The following MRC1 variants were observed in gnomAD, a reference collection of about 807,000 sequenced individuals.
MRC1 encodes the protein mannose receptor C-type 1.
Under a neutral mutation model 102.9 loss-of-function variants are expected in MRC1, and 62 were observed. The observed-to-expected ratio is 0.60, with a 90% confidence interval of 0.49 to 0.74. The LOEUF is 0.74. Ranked by LOEUF, MRC1 falls within the 30% of genes least tolerant of loss-of-function variation. MRC1 has a pLI of 0.00. For missense variants in MRC1, 1,237 were observed against 862.8 expected (o/e 1.43, Z -5.43); for synonymous variants, 457 against 298.4 (o/e 1.53, Z -5.48).
At chr10:17,836,506 G>C (rs1037950397) in intron 4 of MRC1, among the ~76,000 whole-genome samples, 85 of 152,270 alleles carry the variant, frequency 5.6e-4, no homozygotes, top group Admixed American at 1.2e-3. Flanking sequence ...CAGTCTTGTG[G>C]TTATTTGGGC....
chr10:17,887,791 C>A (rs1275600405), intron 22 of MRC1, among the ~76,000 whole-genome samples: 3 of 152,020 alleles, frequency 2.0e-5, no homozygotes, highest in Admixed American at 6.6e-5. Flanking sequence ...TCAAAATACA[C>A]ATAATGCTTT....
rs1379837173 is a variant in MRC1, at chr10:17,849,395, A to C, written c.1064-184A>C. Among the ~76,000 whole-genome samples, 3 of 152,346 alleles carry C rather than the reference A, an allele frequency of 2.0e-5. No homozygotes were observed. In the East Asian group the frequency reaches 5.8e-4, roughly 29 times the overall value. Reference sequence around the variant, plus strand: ...TATTTTGTTTTGTCTAAAAACCAACAAAATAGTATATGCCTTGTCTATTTT... The same window carrying C: ...TATTTTGTTTTGTCTAAAAACCAACCAAATAGTATATGCCTTGTCTATTTT... On this transcript the variant is annotated intron_variant, in intron 6 of 29. Coordinates refer to ENST00000569591, the MANE Select transcript of MRC1 (RefSeq NM_002438.4).
chr10:17,866,917 T>C (rs1465449575), intron 12 of MRC1, among the ~76,000 whole-genome samples, 156 bp downstream of exon 12: 4 of 152,168 alleles, frequency 2.6e-5, no homozygotes, highest in Admixed American at 6.6e-5. Context: ...CGGGGATCAA[T>C]TGTTTAAGAG....
At chr10:17,862,491 T>C (rs1833198842) in intron 10 of MRC1, among the ~76,000 whole-genome samples, 1 of 152,220 alleles carries the variant, frequency 6.6e-6, no homozygotes, top group Admixed American at 6.5e-5. Context: ...CATTTGTGCA[T>C]CTACATTTGG....
At chr10:17,837,355 T>C (rs1838682696) in intron 4 of MRC1, among the ~76,000 whole-genome samples, 2 of 152,194 alleles carry the variant, frequency 1.3e-5, no homozygotes, top group African/African-American at 4.8e-5. Context: ...AGAAAAACTC[T>C]GACAGGGAAT....
intron 6 of MRC1, among the ~76,000 whole-genome samples, chr10:17,849,090 A>ATAATC (rs1359681570): frequency 6.7e-6 from 1 of 149,514 alleles, no homozygotes; most frequent in Non-Finnish European, 1.5e-5. Context: ...CAAGATTTAG[A>ATAATC]TAATCTAATA....
chr10:17,897,348 G>C (rs1468908820), intron 23 of MRC1, among the ~76,000 whole-genome samples: 1 of 152,180 alleles, frequency 6.6e-6, no homozygotes, highest in Non-Finnish European at 1.5e-5. Flanking sequence ...GGAGCTTGAG[G>C]ACAAAAGATC....
intron 3 of MRC1, among the ~76,000 whole-genome samples, chr10:17,831,477 T>C (rs1016173277): frequency 6.6e-6 from 1 of 151,502 alleles, no homozygotes; most frequent in Non-Finnish European, 1.5e-5. Flanking sequence ...CTTTGATATG[T>C]CATGGGACCA....
At chr10:17,903,580 G>C (rs1324203445) in intron 26 of MRC1, among the ~76,000 whole-genome samples, 3 of 151,374 alleles carry the variant, frequency 2.0e-5, no homozygotes, top group African/African-American at 7.3e-5. Context: ...ATTTTTAGTA[G>C]AGACAGAGTT....
intron 1 of MRC1, among the ~76,000 whole-genome samples, chr10:17,814,141 A>C (rs1838270284): frequency 6.6e-6 from 1 of 152,144 alleles, no homozygotes; most frequent in Non-Finnish European, 1.5e-5. Context: ...TCCCTATGTG[A>C]GAAAGTTGAA....
chr10:17,902,455 A>C (rs1385661896), intron 26 of MRC1, among the ~76,000 whole-genome samples: 1 of 152,212 alleles, frequency 6.6e-6, no homozygotes, highest in East Asian at 1.9e-4. Flanking sequence ...AAGTTTTACA[A>C]GTGCCCAGGA....
Position 17,872,097 on chromosome 10 carries a change from T to G in MRC1, c.2315T>G (p.Leu772Arg), listed in dbSNP as rs1833362264. ...MSWNDINCEHLNNWICQIQKG... is the reference protein window; with the variant it reads ...MSWNDINCEHRNNWICQIQKG... Reference sequence around the variant, plus strand: ...TGGAATGATATTAATTGTGAACACCTTAACAACTGGATTTGCCAGATACAA... The same window carrying G: ...TGGAATGATATTAATTGTGAACACCGTAACAACTGGATTTGCCAGATACAA... The change falls in exon 15 of 30, where the codon CTT becomes CGT. Residue 772 changes from leucine to arginine, a missense_variant. Transcript: ENST00000569591. 2.6e-6 allele frequency: 2 copies of G among 780,688 alleles called. No individual in the cohort carries two copies. Among genetic ancestry groups the G allele is most frequent in the South Asian group, 2.7e-5 (2 of 74,604 alleles). The allele number at this position is 780,688 out of a possible 1,614,324, so 48.4% of individuals were successfully genotyped here.
At chr10:17,895,795 G>A (rs1833746276) in intron 23 of MRC1, among the ~76,000 whole-genome samples, 2 of 152,202 alleles carry the variant, frequency 1.3e-5, no homozygotes, top group Admixed American at 1.3e-4. Context: ...GAATTTAAGG[G>A]CAAGCTGGTG....
chr10:17,833,975 C>A, intron 4 of MRC1, 136 bp downstream of exon 4: 2 of 639,454 alleles, frequency 3.1e-6, no homozygotes, highest in South Asian at 3.8e-5. Flanking sequence ...GATGTCATGA[C>A]AAATCTGTAC....
In MRC1 at chr10:17,861,502, G is replaced by C. The variant is rs1405512882; in HGVS notation, c.1634G>C (p.Arg545Thr). ...ENAYLTTIEDRYEQAFLTSFV... is the reference protein window; with the variant it reads ...ENAYLTTIEDTYEQAFLTSFV... The stretch of plus-strand genomic sequence containing the variant: ...GCTTATTTAACAACTATTGAAGACA[G>C]GTATGTAACTATTTTAATTTCATTT... Residue 545 changes from arginine to threonine, a missense_variant and splice_region_variant, in exon 10 of 30, where the codon AGA (arginine) becomes ACA (threonine). By Grantham distance (71) the Arg-to-Thr change is moderately conservative. Transcript: ENST00000569591. 2 of 863,964 alleles carry C rather than the reference G, an allele frequency of 2.3e-6. No individual in the cohort carries two copies. The highest frequency in any genetic ancestry group is 2.0e-6 in the Non-Finnish European group (1 of 496,182). The allele number at this position is 863,964 out of a possible 1,614,324, so 53.5% of individuals were successfully genotyped here.
At chr10:17,883,965 A>T (rs1011303942) in intron 21 of MRC1, among the ~76,000 whole-genome samples, 1 of 152,132 alleles carries the variant, frequency 6.6e-6, no homozygotes, top group Non-Finnish European at 1.5e-5. Flanking sequence ...TGAGCACTTT[A>T]TTACTAATTG....
rs1055971818 is a variant in MRC1, at chr10:17,868,618, C to T, written c.1984-1628C>T. Among the ~76,000 whole-genome samples the T allele has an allele frequency of 9.4e-3, 1,429 of 152,350 alleles. 7 individuals carry two copies. The highest frequency in any genetic ancestry group is 0.034 in the Middle Eastern group (10 of 294). On this transcript the variant is annotated intron_variant, in intron 12 of 29. Coordinates refer to ENST00000569591, the MANE Select transcript of MRC1 (RefSeq NM_002438.4). ...TACTGTTTTCTAATAGTCCTGCTCT[C>T]TGTACTTCTTTTATTCAATCTCTTT...
At chr10:17,822,349 C>A (rs1014401560) in intron 1 of MRC1, among the ~76,000 whole-genome samples, 1 of 152,112 alleles carries the variant, frequency 6.6e-6, no homozygotes, top group Non-Finnish European at 1.5e-5. Context: ...CTAGTCTGGG[C>A]GAGGTGGCTC....
intron 7 of MRC1, among the ~76,000 whole-genome samples, chr10:17,850,174 G>A (rs1838892161): frequency 6.6e-6 from 1 of 150,386 alleles, no homozygotes; most frequent in East Asian, 1.9e-4. Context: ...TTTCTAAATG[G>A]ACTGTTTCAG....
Sources: gnomAD v4.1 joint callset for allele counts (sites outside exome capture counted in the v4.1 genomes callset) on GRCh38, gnomAD v4.1.1 for gene constraint, MANE v1.5 for transcripts, NCBI Gene and HGNC (gene_info 2026-07-23, HGNC 2026-07-21) for gene names.